ERC2: variants seen among roughly 807,000 people sequenced by gnomAD.
The protein encoded by ERC2 is ERC protein 2.
Under a neutral mutation model 114.8 loss-of-function variants are expected in ERC2, and 42 were observed. That is an observed-to-expected ratio of 0.37 (90% CI 0.29 to 0.47). ERC2 has a LOEUF of 0.47. Among genes scored for constraint, ERC2 ranks in the 20% least tolerant of loss-of-function variants. The pLI is 0.99. For missense variants in ERC2, 939 were observed against 1,150.7 expected (o/e 0.82, Z 2.66); for synonymous variants, 454 against 425.5 (o/e 1.07, Z -0.82).
intron 14 of ERC2, among the ~76,000 whole-genome samples, chr3:55,754,169 AAGAAAACTATTTTTTTTTTTG>A (rs2066902011): frequency 1.2e-5 from 1 of 82,032 alleles, no homozygotes; most frequent in Non-Finnish European, 2.2e-5. Flanking sequence ...CTCTACAGAT[AAGAAAACTATTTTTTTTTTTG>A]AGAAAACTAT....
At chr3:56,109,743 C>T (rs972994729) in intron 6 of ERC2, among the ~76,000 whole-genome samples, 60 of 152,152 alleles carry the variant, frequency 3.9e-4, no homozygotes, top group Admixed American at 3.2e-3. Flanking sequence ...TGACTTTGTA[C>T]ATGTATTGTA....
intron 14 of ERC2, among the ~76,000 whole-genome samples, chr3:55,752,264 C>A (rs1436610860): frequency 5.9e-5 from 9 of 152,184 alleles, no homozygotes; most frequent in Admixed American, 5.9e-4. Context: ...ATTGGCAGCT[C>A]TCTAATGATC....
chr3:56,193,173 C>T (rs2047894606), intron 3 of ERC2, among the ~76,000 whole-genome samples: 1 of 152,136 alleles, frequency 6.6e-6, no homozygotes, highest in Non-Finnish European at 1.5e-5. Context: ...ACAGTGTGTA[C>T]TCCTTGTTTT....
intron 17 of ERC2, among the ~76,000 whole-genome samples, chr3:55,601,534 C>T (rs2058404556): frequency 6.6e-6 from 1 of 152,228 alleles, no homozygotes; most frequent in Admixed American, 6.5e-5. Flanking sequence ...AACCAGCGAG[C>T]TGTCCTTCGG....
At chr3:55,561,502 GAAAGCT>G (rs2056016775) in intron 17 of ERC2, among the ~76,000 whole-genome samples, 1 of 152,140 alleles carries the variant, frequency 6.6e-6, no homozygotes, top group African/African-American at 2.4e-5. Flanking sequence ...ATTTGAAACT[GAAAGCT>G]AAACCATGCC....
chr3:55,881,167 A>G (rs1172950107), intron 14 of ERC2, among the ~76,000 whole-genome samples: 1 of 152,162 alleles, frequency 6.6e-6, no homozygotes. Flanking sequence ...TCATTTCTGC[A>G]CCCTTGCTCT....
chr3:55,989,887 T>C (rs1397167027), intron 11 of ERC2, among the ~76,000 whole-genome samples: 1 of 152,188 alleles, frequency 6.6e-6, no homozygotes, highest in East Asian at 1.9e-4. Context: ...AATATTATTA[T>C]CTAGGGCATC....
intron 3 of ERC2, among the ~76,000 whole-genome samples, chr3:56,185,723 T>C (rs1247575110): frequency 6.6e-6 from 1 of 152,186 alleles, no homozygotes; most frequent in Non-Finnish European, 1.5e-5. Flanking sequence ...CTTACTAATA[T>C]GTTACATTAT....
At chr3:55,908,936 T>C (rs1559854384) in intron 13 of ERC2, among the ~76,000 whole-genome samples, 1 of 152,216 alleles carries the variant, frequency 6.6e-6, no homozygotes, top group Non-Finnish European at 1.5e-5. Context: ...AATCCTGACA[T>C]GAAGTAGTCC....
intron 14 of ERC2, among the ~76,000 whole-genome samples, chr3:55,780,686 C>A (rs1458103750): frequency 2.6e-5 from 4 of 152,152 alleles, no homozygotes; most frequent in Non-Finnish European, 4.4e-5. Flanking sequence ...TTTTTCTATT[C>A]AGAAAAGTTC....
chr3:56,415,540 C>A (rs888471510), intron 2 of ERC2, among the ~76,000 whole-genome samples: 3 of 152,184 alleles, frequency 2.0e-5, no homozygotes, highest in Non-Finnish European at 4.4e-5. Context: ...AGTAAGGAAG[C>A]ACTGTAGCTT....
Position 56,434,331 on chromosome 3 carries a change from T to C in ERC2, c.657+20A>G. On this transcript the variant is annotated intron_variant, in intron 2 of 17. Coordinates refer to ENST00000288221, the MANE Select transcript of ERC2 (RefSeq NM_015576.3). ...GTGAGAAGCCAAGGCTGAAAAATAC[T>C]GAGATGAGTCATGACCTACCTGATT... The C allele has an allele frequency of 2.5e-6, 4 of 1,604,994 alleles. No homozygotes were observed. Among genetic ancestry groups the C allele is most frequent in the Non-Finnish European group, 3.4e-6 (4 of 1,175,152 alleles).
intron 7 of ERC2, among the ~76,000 whole-genome samples, chr3:56,072,582 C>T (rs1027460848): frequency 3.0e-4 from 46 of 152,118 alleles, no homozygotes; most frequent in African/African-American, 1.0e-3. Flanking sequence ...GTTAAATCTA[C>T]ATTCAATCTA....
At chr3:56,135,168 G>A (rs954593631) in intron 6 of ERC2, among the ~76,000 whole-genome samples, 2 of 151,984 alleles carry the variant, frequency 1.3e-5, no homozygotes, top group Admixed American at 1.3e-4. Flanking sequence ...GGTCAGGCTG[G>A]TCTCAAACTC....
intron 17 of ERC2, among the ~76,000 whole-genome samples, chr3:55,529,699 A>T (rs1438652125): frequency 6.6e-6 from 1 of 152,240 alleles, no homozygotes; most frequent in African/African-American, 2.4e-5. Flanking sequence ...AATCAGCCAC[A>T]CTTAAGAACA....
At chr3:55,742,673 C>G (rs761960629) in intron 14 of ERC2, among the ~76,000 whole-genome samples, 6 of 152,174 alleles carry the variant, frequency 3.9e-5, no homozygotes, top group Non-Finnish European at 8.8e-5. Flanking sequence ...CCTCATGACC[C>G]TGAATATTCA....
intron 14 of ERC2, among the ~76,000 whole-genome samples, chr3:55,775,584 A>ATAAATAAG (rs71096501): frequency 2.0e-5 from 3 of 148,176 alleles, no homozygotes; most frequent in African/African-American, 7.6e-5. Context: ...AAATAAATAA[A>ATAAATAAG]AAAGGAAAAA....
rs149138873 is a variant in ERC2 at position 55,909,727 on chromosome 3, C to A, written c.2404-21178G>T. Among the ~76,000 whole-genome samples the A allele has an allele frequency of 2.6e-3, 395 of 152,162 alleles. 2 individuals carry two copies. The highest frequency in any genetic ancestry group is 9.2e-3 in the African/African-American group (381 of 41,496). On this transcript the variant is annotated intron_variant, in intron 13 of 17. Coordinates refer to ENST00000288221, the MANE Select transcript of ERC2 (RefSeq NM_015576.3). ...CAGGCCTTCCCTCAATCACTCTGGG[C>A]AAATTAAGAGAACCCTGAGGGACAG...
intron 3 of ERC2, among the ~76,000 whole-genome samples, chr3:56,236,006 G>C (rs1363673075): frequency 1.3e-5 from 2 of 152,154 alleles, no homozygotes; most frequent in African/African-American, 4.8e-5. Context: ...GGAATTCAAA[G>C]AACACTCTCC....
Sources: gnomAD v4.1 joint callset for allele counts (sites outside exome capture counted in the v4.1 genomes callset) on GRCh38, gnomAD v4.1.1 for gene constraint, MANE v1.5 for transcripts, NCBI Gene and HGNC (gene_info 2026-07-23, HGNC 2026-07-21) for gene names.